ANK3: variants seen among roughly 807,000 people sequenced by gnomAD.
ANK3 encodes the protein ankyrin 3.
ANK3 carries 57 observed loss-of-function variants against 370.9 expected under a neutral mutation model. The ratio of observed to expected loss-of-function variants is 0.15; its 90% CI spans 0.12 to 0.19. The LOEUF (loss-of-function observed/expected upper bound fraction) is 0.19. Among genes scored for constraint, ANK3 ranks in the 10% least tolerant of loss-of-function variants. The probability of loss-of-function intolerance (pLI) is 1.00; values close to 1 mark genes in which losing one functional copy is unlikely to be tolerated. For missense variants in ANK3, 4,439 were observed against 5,302.1 expected (o/e 0.84, Z 5.06); for synonymous variants, 1,929 against 1,946.3 (o/e 0.99, Z 0.23).
rs555708749 is a variant in ANK3, at chr10:60,490,288, T to C, written c.96+124898A>G. Among the ~76,000 whole-genome samples, 14 of 152,370 alleles carry C rather than the reference T, an allele frequency of 9.2e-5. No individual in the cohort carries two copies. In the South Asian group the frequency reaches 2.9e-3, roughly 32 times the overall value. On this transcript the variant is annotated intron_variant, in intron 2 of 43. Transcript: ENST00000373827. ...ACTTCTTGGCACATTCTCAGGGTCT[T>C]TCCCAGTCCTACTGAACCAGAAACT...
intron 2 of ANK3, among the ~76,000 whole-genome samples, chr10:60,405,987 G>T (rs910596713): frequency 6.6e-6 from 1 of 152,038 alleles, no homozygotes; most frequent in African/African-American, 2.4e-5. Context: ...TATACAACAG[G>T]TTACATTTTT....
At chr10:60,287,647 C>A (rs1339724074) in intron 1 of ANK3, among the ~76,000 whole-genome samples, 1 of 152,034 alleles carries the variant, frequency 6.6e-6, no homozygotes, top group Admixed American at 6.6e-5. Context: ...ATTACAGAGG[C>A]AGAAACCTAA....
chr10:60,068,286 G>A (rs1411595574), intron 37 of ANK3, among the ~76,000 whole-genome samples: 5 of 152,126 alleles, frequency 3.3e-5, no homozygotes, highest in Admixed American at 6.6e-5. Context: ...TCGTGTTGGT[G>A]AAAACACCAT....
At chr10:60,463,121 C>A (rs1189895079) in intron 2 of ANK3, among the ~76,000 whole-genome samples, 1 of 152,078 alleles carries the variant, frequency 6.6e-6, no homozygotes, top group East Asian at 1.9e-4. Context: ...TCAAGCTGGT[C>A]TGGAAGTCCT....
intron 2 of ANK3, among the ~76,000 whole-genome samples, chr10:60,503,022 A>G (rs12269130): frequency 0.015 from 2,314 of 152,216 alleles, 29 homozygotes; most frequent in African/African-American, 0.035. Flanking sequence ...TAACTCTGTA[A>G]TATGTGACCT....
intron 2 of ANK3, among the ~76,000 whole-genome samples, chr10:60,494,869 T>C (rs1010680603): frequency 2.6e-5 from 4 of 152,200 alleles, no homozygotes; most frequent in African/African-American, 9.6e-5. Context: ...TACAGCATAA[T>C]GCAAATGATT....
intron 2 of ANK3, among the ~76,000 whole-genome samples, chr10:60,606,450 T>C (rs1388461817): frequency 2.6e-5 from 4 of 152,192 alleles, no homozygotes; most frequent in Non-Finnish European, 4.4e-5. Context: ...TATGTTTTCA[T>C]TTTAAAAGTA....
At chr10:60,429,712 A>G (rs2063970861) in intron 2 of ANK3, among the ~76,000 whole-genome samples, 1 of 152,196 alleles carries the variant, frequency 6.6e-6, no homozygotes, top group Non-Finnish European at 1.5e-5. Flanking sequence ...TGCTTCCTCT[A>G]TAAAAATGGA....
intron 1 of ANK3, among the ~76,000 whole-genome samples, chr10:60,346,692 T>A (rs2055591073): frequency 6.6e-6 from 1 of 152,120 alleles, no homozygotes; most frequent in Non-Finnish European, 1.5e-5. Flanking sequence ...TCTCATACTT[T>A]GGAAATATAT....
chr10:60,097,668 T>C (rs1039406123), intron 28 of ANK3, among the ~76,000 whole-genome samples: 11 of 152,208 alleles, frequency 7.2e-5, no homozygotes, highest in African/African-American at 2.2e-4. Flanking sequence ...CGCTTTCAAA[T>C]GACCATCTTG....
chr10:60,299,698 A>C (rs1424706798), intron 1 of ANK3, among the ~76,000 whole-genome samples: 1 of 152,200 alleles, frequency 6.6e-6, no homozygotes, highest in Non-Finnish European at 1.5e-5. Context: ...TTATCTACAC[A>C]GTATCCCTTA....
At position 60,029,711 on chromosome 10, in the gene ANK3, AT is replaced by A. The variant is rs1189180803; in HGVS notation, c.*134del. On this transcript the variant is annotated 3_prime_UTR_variant, in exon 44 of 44. Transcript: ENST00000280772. The stretch of plus-strand genomic sequence containing the variant: ...TTTCTTTTCTTTTTGCATAAAAAAA[AT>A]CATGCCATTAATGTGTGGAAGCAGC... 2.6e-5 allele frequency: 4 copies of A among 152,016 alleles called. No homozygotes were observed. The highest frequency in any genetic ancestry group is 7.3e-5 in the African/African-American group (3 of 41,226). 9.4% of individuals were successfully genotyped at this position (152,016 alleles called of 1,614,324 possible). A position where few individuals can be genotyped will look rare whatever the true frequency, so the allele number is the denominator to read the frequency against.
At chr10:60,215,355 T>C (rs2096920878) in intron 8 of ANK3, among the ~76,000 whole-genome samples, 1 of 152,188 alleles carries the variant, frequency 6.6e-6, no homozygotes, top group African/African-American at 2.4e-5. Flanking sequence ...AGAAGCTCTT[T>C]AGTTTAATTA....
At chr10:60,613,935 A>G (rs1458994198) in intron 2 of ANK3, among the ~76,000 whole-genome samples, 1 of 152,114 alleles carries the variant, frequency 6.6e-6, no homozygotes, top group Non-Finnish European at 1.5e-5. Flanking sequence ...TTAGTTGGGC[A>G]TGGTGGTGTG....
In ANK3 at chr10:60,309,942, T is replaced by C. The variant is rs2045993166; in HGVS notation, c.115-30303A>G. On this transcript the variant is annotated intron_variant, in intron 1 of 43. Coordinates refer to ENST00000280772, the MANE Select transcript of ANK3 (RefSeq NM_020987.5). ...TTTTTCTTTTTTTTTTTTTTTTGTT[T>C]TGAGACAGGATCTCACTCTGTTGCC... Among the ~76,000 whole-genome samples the C allele has an allele frequency of 2.0e-5, 3 of 150,756 alleles. No individual in the cohort carries two copies. In the South Asian group the frequency reaches 6.3e-4, roughly 32 times the overall value.
chr10:60,524,293 T>C (rs2076418499), intron 2 of ANK3, among the ~76,000 whole-genome samples: 1 of 152,094 alleles, frequency 6.6e-6, no homozygotes, highest in Non-Finnish European at 1.5e-5. Context: ...AGCAGCAACC[T>C]GGAACCTGGC....
chr10:60,332,736 T>C (rs1450452744), intron 1 of ANK3, among the ~76,000 whole-genome samples: 2 of 152,198 alleles, frequency 1.3e-5, no homozygotes, highest in Non-Finnish European at 1.5e-5. Context: ...CAGTATTAAA[T>C]GAAGGCATCA....
intron 13 of ANK3, among the ~76,000 whole-genome samples, chr10:60,199,228 G>A (rs1457406813): frequency 1.3e-5 from 2 of 152,200 alleles, no homozygotes; most frequent in Non-Finnish European, 2.9e-5. Flanking sequence ...CCCTGTGGTA[G>A]TCCTCTAAAT....
chr10:60,671,993 C>A (rs527487775), intron 1 of ANK3, among the ~76,000 whole-genome samples: 10 of 152,194 alleles, frequency 6.6e-5, no homozygotes, highest in Non-Finnish European at 1.2e-4. Flanking sequence ...ATCGGAAACC[C>A]CTAACTGAGC....
Sources: allele counts gnomAD v4.1 joint callset (sites outside exome capture counted in the v4.1 genomes callset), GRCh38; gene constraint gnomAD v4.1.1; transcripts MANE v1.5; gene names NCBI Gene and HGNC (gene_info 2026-07-23, HGNC 2026-07-21).